Variants in SLC9A9 observed in about 807,000 individuals in gnomAD.
SLC9A9 encodes solute carrier family 9 member A9.
In SLC9A9, 62 loss-of-function variants were observed where a neutral mutation model predicts 77.8. That is an observed-to-expected ratio of 0.80 (90% confidence interval 0.65 to 0.98). The LOEUF is 0.98. Ranked by LOEUF, SLC9A9 falls within the 50% of genes least tolerant of loss-of-function variation. The probability of loss-of-function intolerance (pLI) is 0.00; values close to 1 mark genes in which losing one functional copy is unlikely to be tolerated. For missense variants in SLC9A9, 775 were observed against 774.9 expected, an observed-to-expected ratio of 1.00 and a Z score of 0.00; for synonymous variants, 320 against 283.5, an observed-to-expected ratio of 1.13 and a Z score of -1.29.
intron 9 of SLC9A9, among the ~76,000 whole-genome samples, chr3:143,511,035 C>T (rs375746533): frequency 9.9e-5 from 15 of 152,174 alleles, no homozygotes; most frequent in South Asian, 2.1e-4. Context: ...TCTTCAGATC[C>T]TCCATCTTCC....
chr3:143,352,905 A>C (rs2032497389), intron 14 of SLC9A9, among the ~76,000 whole-genome samples: 1 of 152,176 alleles, frequency 6.6e-6, no homozygotes, highest in Admixed American at 6.5e-5. Flanking sequence ...GCATTATAAC[A>C]AACAGGACTC....
intron 11 of SLC9A9, among the ~76,000 whole-genome samples, chr3:143,477,576 A>T (rs1238055609): frequency 6.6e-6 from 1 of 152,000 alleles, no homozygotes; most frequent in Non-Finnish European, 1.5e-5. Context: ...CGCCTGTAGG[A>T]GGGGCATCCC....
intron 4 of SLC9A9, among the ~76,000 whole-genome samples, chr3:143,743,300 T>TAGAC (rs1935128196): frequency 6.8e-6 from 1 of 147,654 alleles, no homozygotes; most frequent in African/African-American, 2.6e-5. Flanking sequence ...GACAGACAGA[T>TAGAC]AGATAGATGA....
chr3:143,446,876 ATG>A (rs60912550), intron 12 of SLC9A9, among the ~76,000 whole-genome samples: 43,828 of 148,238 alleles, frequency 0.3, 7,858 homozygotes, highest in African/African-American at 0.52. Context: ...GTAGGTGTGT[ATG>A]TGTGTGTGTG....
At chr3:143,376,498 T>G (rs1029753378) in intron 13 of SLC9A9, among the ~76,000 whole-genome samples, 3 of 152,210 alleles carry the variant, frequency 2.0e-5, no homozygotes, top group African/African-American at 7.2e-5. Flanking sequence ...AGGTAAAGAT[T>G]AAATGTGATT....
intron 4 of SLC9A9, among the ~76,000 whole-genome samples, chr3:143,792,844 G>A (rs1403972167): frequency 1.3e-5 from 2 of 151,696 alleles, no homozygotes; most frequent in Non-Finnish European, 2.9e-5. Flanking sequence ...CTCTTAAATG[G>A]TACCCATTTT....
chr3:143,478,810 C>T (rs754292127), intron 11 of SLC9A9, among the ~76,000 whole-genome samples: 6 of 152,166 alleles, frequency 3.9e-5, no homozygotes, highest in African/African-American at 7.2e-5. Flanking sequence ...TCTAAGGTTT[C>T]GTCTACCCAA....
At chr3:143,806,740 G>GGC (rs1553724413) in intron 2 of SLC9A9, among the ~76,000 whole-genome samples, 5 of 151,588 alleles carry the variant, frequency 3.3e-5, no homozygotes, top group South Asian at 2.1e-4. Flanking sequence ...GTGGTGGTGG[G>GGC]GGGGGCAAGT....
At chr3:143,617,421 C>A (rs1394708608) in intron 6 of SLC9A9, among the ~76,000 whole-genome samples, 3 of 152,166 alleles carry the variant, frequency 2.0e-5, no homozygotes, top group Admixed American at 6.5e-5. Context: ...ATTGACTGAA[C>A]CCTGGATTAG....
At chr3:143,435,819 A>G (rs937238338) in intron 12 of SLC9A9, among the ~76,000 whole-genome samples, 1 of 152,176 alleles carries the variant, frequency 6.6e-6, no homozygotes, top group African/African-American at 2.4e-5. Flanking sequence ...AGCCTGAAAC[A>G]GTACACAAGT....
chr3:143,447,373 T>C (rs186456267), intron 12 of SLC9A9, among the ~76,000 whole-genome samples: 1 of 152,302 alleles, frequency 6.6e-6, no homozygotes, highest in African/African-American at 2.4e-5. Context: ...TACTATTATA[T>C]CATTAATTTT....
intron 7 of SLC9A9, among the ~76,000 whole-genome samples, 192 bp from the exon 8 acceptor site, chr3:143,574,385 G>A (rs531941047): frequency 8.5e-4 from 130 of 152,248 alleles, no homozygotes; most frequent in African/African-American, 3.1e-3. Context: ...ATGCTTCACC[G>A]GGGGCTGAAC....
chr3:143,283,758 G>A (rs1938292670), intron 14 of SLC9A9, among the ~76,000 whole-genome samples: 1 of 152,174 alleles, frequency 6.6e-6, no homozygotes, highest in Non-Finnish European at 1.5e-5. Flanking sequence ...AATTATGAGT[G>A]CAAACGGAAA....
intron 14 of SLC9A9, among the ~76,000 whole-genome samples, chr3:143,286,535 A>G (rs1014433146): frequency 2.6e-5 from 4 of 152,204 alleles, no homozygotes; most frequent in African/African-American, 9.7e-5. Context: ...GGTCTCCCAG[A>G]TCATTCTTGT....
At chr3:143,467,534 A>G (rs932507642) in intron 11 of SLC9A9, among the ~76,000 whole-genome samples, 5 of 152,146 alleles carry the variant, frequency 3.3e-5, no homozygotes, top group African/African-American at 1.2e-4. Context: ...ACATGAAGTC[A>G]GGCATTCGAG....
At chr3:143,586,658 T>G (rs149330454) in intron 6 of SLC9A9, among the ~76,000 whole-genome samples, 2 of 152,332 alleles carry the variant, frequency 1.3e-5, no homozygotes, top group East Asian at 3.9e-4. Flanking sequence ...AGGAATTGAT[T>G]TTTATGGGGC....
chr3:143,435,237 G>A (rs1319048147), intron 12 of SLC9A9, among the ~76,000 whole-genome samples: 1 of 152,070 alleles, frequency 6.6e-6, no homozygotes, highest in African/African-American at 2.4e-5. Context: ...CTTGTAGCCA[G>A]AACTCATGAC....
chr3:143,760,348 C>A (rs1387247325), intron 4 of SLC9A9, among the ~76,000 whole-genome samples: 1 of 151,956 alleles, frequency 6.6e-6, no homozygotes. Flanking sequence ...CTGGCCAGGG[C>A]AATCAGGTAG....
intron 4 of SLC9A9, 107 bp downstream of exon 4, chr3:143,794,894 A>T: frequency 9.3e-7 from 1 of 1,075,450 alleles, no homozygotes; most frequent in Non-Finnish European, 1.4e-6. Context: ...GATATACTAA[A>T]AAAAAGACAA....
Sources: gnomAD v4.1 joint callset for allele counts (sites outside exome capture counted in the v4.1 genomes callset) on GRCh38, gnomAD v4.1.1 for gene constraint, MANE v1.5 for transcripts, NCBI Gene and HGNC (gene_info 2026-07-23, HGNC 2026-07-21) for gene names.